INSR: variants seen among roughly 807,000 people sequenced by gnomAD.
The protein encoded by INSR is IR.
INSR carries 67 observed loss-of-function variants against 142.6 expected under a neutral mutation model. That is an observed-to-expected ratio of 0.47 (90% CI 0.39 to 0.58). INSR has a LOEUF of 0.58. Ranked by LOEUF, INSR falls within the 20% of genes least tolerant of loss-of-function variation. The pLI, the probability that INSR is intolerant of heterozygous loss-of-function variation, is 0.00. For synonymous variants in INSR, 756 were observed against 743.1 expected, an observed-to-expected ratio of 1.02 and a Z score of -0.28; for missense variants, 1,248 against 1,833.2, an observed-to-expected ratio of 0.68 and a Z score of 5.83.
chr19:7,237,209 A>C (rs576957692), intron 2 of INSR, among the ~76,000 whole-genome samples: 117 of 152,016 alleles, frequency 7.7e-4, no homozygotes, highest in Middle Eastern at 3.4e-3. Flanking sequence ...CTGTTCCCCC[A>C]AAACCTATGG....
At chr19:7,129,344 TGACA>T (rs369211968) in intron 14 of INSR, among the ~76,000 whole-genome samples, 40 of 152,188 alleles carry the variant, frequency 2.6e-4, no homozygotes, top group African/African-American at 9.2e-4. Flanking sequence ...CTTATTTTTG[TGACA>T]GAGTCTTGCT....
chr19:7,249,789 G>A (rs1041343772), intron 2 of INSR, among the ~76,000 whole-genome samples: 6 of 152,074 alleles, frequency 3.9e-5, no homozygotes, highest in Non-Finnish European at 7.4e-5. Flanking sequence ...TCAGGAGATC[G>A]AGACCATCCT....
At chr19:7,134,183 AAAAT>A (rs1972852234) in intron 13 of INSR, among the ~76,000 whole-genome samples, 1 of 152,156 alleles carries the variant, frequency 6.6e-6, no homozygotes, top group Non-Finnish European at 1.5e-5. Context: ...CATCTCAAAA[AAAAT>A]AAATAAATAA....
Position 7,142,157 on chromosome 19 carries a change from C to T in INSR, c.2543-341G>A, listed in dbSNP as rs1021422136. Among the ~76,000 whole-genome samples, 3 of 151,802 alleles carry T rather than the reference C, an allele frequency of 2.0e-5. No individual in the cohort carries two copies. In the East Asian group the frequency reaches 5.8e-4, roughly 29 times the overall value. On this transcript the variant is annotated intron_variant, in intron 12 of 21. Coordinates refer to ENST00000302850, the MANE Select transcript of INSR (RefSeq NM_000208.4). ...GTGGCTCATGCCTGTAATCCCAGCACTTTGGGAGCTCAAGGTTGGCGGACC... is the reference window on the plus strand; with the variant it reads ...GTGGCTCATGCCTGTAATCCCAGCATTTTGGGAGCTCAAGGTTGGCGGACC...
intron 2 of INSR, among the ~76,000 whole-genome samples, chr19:7,263,511 G>A (rs1273801354): frequency 6.6e-6 from 1 of 152,066 alleles, no homozygotes; most frequent in Non-Finnish European, 1.5e-5. Flanking sequence ...CACCTTCTCC[G>A]GGTAACAAAA....
At chr19:7,260,179 T>C (rs1466642873) in intron 2 of INSR, among the ~76,000 whole-genome samples, 27 of 152,102 alleles carry the variant, frequency 1.8e-4, no homozygotes, top group Admixed American at 1.8e-3. Flanking sequence ...ATACCACACT[T>C]TGAGAGACTT....
intron 1 of INSR, among the ~76,000 whole-genome samples, chr19:7,269,352 A>G (rs1440923180): frequency 6.8e-6 from 1 of 146,870 alleles, no homozygotes; most frequent in Non-Finnish European, 1.5e-5. Context: ...TCCATGCAGC[A>G]AATGGATTAG....
chr19:7,265,056 T>C (rs1304229100), intron 2 of INSR, among the ~76,000 whole-genome samples: 1 of 152,180 alleles, frequency 6.6e-6, no homozygotes, highest in African/African-American at 2.4e-5. Flanking sequence ...TCTTTTGTGA[T>C]ACAACCCTCA....
At chr19:7,152,221 T>G in intron 10 of INSR, 1 of 214,802 alleles carries the variant, frequency 4.7e-6, no homozygotes, top group Non-Finnish European at 9.4e-6. Context: ...CAAAACCCCG[T>G]CTCTACTAAA....
chr19:7,126,583 C>T lies in INSR; in HGVS notation c.3013+1G>A. 6.4e-7 allele frequency: 1 copy of T among 1,557,178 alleles called. No homozygotes were observed. Among genetic ancestry groups the T allele is most frequent in the Non-Finnish European group, 8.7e-7 (1 of 1,149,182 alleles). ...ACCCACAGGGAAGGGATGGTACTCA[C>T]CATCACTGGCACTGAGATACTCAGG... On this transcript the variant is annotated splice_donor_variant, in intron 16 of 21. Coordinates refer to ENST00000302850, the MANE Select transcript of INSR (RefSeq NM_000208.4). LOFTEE classifies it high-confidence loss of function.
rs1279723510 is a variant in INSR at position 7,154,992 on chromosome 19, C to G, written c.2030-2065G>C. 3.3e-5 allele frequency among the ~76,000 whole-genome samples: 5 copies of G among 152,152 alleles called. No homozygotes were observed. In the South Asian group the frequency reaches 6.2e-4, roughly 19 times the overall value. Reference sequence around the variant, plus strand: ...AAGATTATAAGGTAACCAGACAATGCTTCTGTCTTCAGTGGACTTACAGTC... The same window carrying G: ...AAGATTATAAGGTAACCAGACAATGGTTCTGTCTTCAGTGGACTTACAGTC... On this transcript the variant is annotated intron_variant, in intron 9 of 21. Coordinates refer to ENST00000302850, the MANE Select transcript of INSR (RefSeq NM_000208.4).
intron 2 of INSR, among the ~76,000 whole-genome samples, chr19:7,266,151 T>C (rs1967716648): frequency 6.6e-6 from 1 of 152,064 alleles, no homozygotes; most frequent in Non-Finnish European, 1.5e-5. Flanking sequence ...CCGCAGTAAA[T>C]TATGAAAGAT....
chr19:7,149,456 C>G (rs1973267628), intron 11 of INSR, among the ~76,000 whole-genome samples: 1 of 152,180 alleles, frequency 6.6e-6, no homozygotes, highest in African/African-American at 2.4e-5. Flanking sequence ...CCTTGCCTTT[C>G]TCCCAAGTTC....
At chr19:7,232,789 A>G (rs932494521) in intron 2 of INSR, among the ~76,000 whole-genome samples, 1 of 151,930 alleles carries the variant, frequency 6.6e-6, no homozygotes, top group African/African-American at 2.4e-5. Flanking sequence ...CAGCCTGGGC[A>G]ACAGTGCAAG....
Position 7,119,386 on chromosome 19 carries a change from C to A in INSR, c.3794+63G>T. On this transcript the variant is annotated intron_variant, in intron 21 of 21. Transcript: ENST00000302850. The surrounding 1 kb of genome is among the most constrained non-coding windows in gnomAD (Gnocchi z 5.2). Reference sequence around the variant, plus strand: ...CATAGGAAAGGCAAAACCAAGCACACGTGTAAAGGGCAATACCCTTTCAAC... The same window carrying A: ...CATAGGAAAGGCAAAACCAAGCACAAGTGTAAAGGGCAATACCCTTTCAAC... The A allele has an allele frequency of 6.3e-7, 1 of 1,597,200 alleles. No individual in the cohort carries two copies. Among genetic ancestry groups the A allele is most frequent in the South Asian group, 1.1e-5 (1 of 90,496 alleles).
Position 7,273,514 on chromosome 19 carries a change from C to CT in INSR, c.101-5619dup, listed in dbSNP as rs899836609. Among the ~76,000 whole-genome samples the CT allele has an allele frequency of 1.6e-3, 225 of 142,762 alleles. No individual in the cohort carries two copies. In the East Asian group the frequency reaches 0.016, roughly 10 times the overall value. The allele number at this position is 142,762 out of a possible 152,430, so 93.7% of individuals were successfully genotyped here. A position where few individuals can be genotyped will look rare whatever the true frequency, so the allele number is the denominator to read the frequency against. Reference sequence around the variant, plus strand: ...AGTGACAGCTAATATTTTCTTTTTTCTTTTTTTTTTTTTCTTTAATTGAGA... The same window carrying CT: ...AGTGACAGCTAATATTTTCTTTTTTCTTTTTTTTTTTTTTCTTTAATTGAGA... On this transcript the variant is annotated intron_variant, in intron 1 of 21. Coordinates refer to ENST00000302850, the MANE Select transcript of INSR (RefSeq NM_000208.4).
intron 2 of INSR, among the ~76,000 whole-genome samples, chr19:7,187,228 C>T (rs1450447965): frequency 1.3e-5 from 2 of 151,782 alleles, no homozygotes; most frequent in African/African-American, 4.8e-5. Flanking sequence ...TACAGGTGCC[C>T]ACCACCACAC....
At chr19:7,274,114 C>T (rs766454587) in intron 1 of INSR, among the ~76,000 whole-genome samples, 1 of 152,012 alleles carries the variant, frequency 6.6e-6, no homozygotes, top group Non-Finnish European at 1.5e-5. Flanking sequence ...TGGTAGAAGA[C>T]AATTTTTCCA....
chr19:7,248,775 T>TTTTTA (rs1976612946), intron 2 of INSR, among the ~76,000 whole-genome samples: 1 of 114,194 alleles, frequency 8.8e-6, no homozygotes, highest in Non-Finnish European at 1.9e-5. Flanking sequence ...TTTTTTTTTT[T>TTTTTA]GAGACGGAGT....
Sources: gnomAD v4.1 joint callset for allele counts (sites outside exome capture counted in the v4.1 genomes callset) on GRCh38, gnomAD v4.1.1 for gene constraint, Gnocchi (gnomAD v3.1) non-coding constraint, MANE v1.5 for transcripts, NCBI Gene and HGNC (gene_info 2026-07-23, HGNC 2026-07-21) for gene names.